The following FAM178B variants were observed in gnomAD, a reference collection of about 807,000 sequenced individuals.
FAM178B encodes the protein family with sequence similarity 178 member B.
In FAM178B, 82 loss-of-function variants were observed where a neutral mutation model predicts 91.7. The observed-to-expected ratio is 0.89, with a 90% CI of 0.75 to 1.07. The LOEUF is 1.07. FAM178B is among the 50% of genes least tolerant of loss of function. The pLI is 0.00. For synonymous variants in FAM178B, 368 were observed against 359.4 expected, an observed-to-expected ratio of 1.02 and a Z score of -0.27; for missense variants, 769 against 846.7, an observed-to-expected ratio of 0.91 and a Z score of 1.14.
chr2:96,938,498 T>G (rs568259275), intron 8 of FAM178B, among the ~76,000 whole-genome samples: 1 of 152,080 alleles, frequency 6.6e-6, no homozygotes, highest in African/African-American at 2.4e-5. Flanking sequence ...AGAGAGCACA[T>G]CAGAGCTTCT....
intron 8 of FAM178B, among the ~76,000 whole-genome samples, chr2:96,944,289 T>C (rs1422417916): frequency 6.6e-6 from 1 of 150,646 alleles, no homozygotes; most frequent in Non-Finnish European, 1.5e-5. Flanking sequence ...TCTCATGCAT[T>C]CAACCCTAAA....
intron 12 of FAM178B, among the ~76,000 whole-genome samples, chr2:96,918,689 C>T (rs2081282338): frequency 6.6e-6 from 1 of 152,198 alleles, no homozygotes; most frequent in Admixed American, 6.5e-5. Context: ...TAAGGGAGGA[C>T]ACCACCCCTC....
rs184008773 is a variant in FAM178B at position 96,974,927 on chromosome 2, C to T, written c.74-2321G>A. 3.6e-3 allele frequency among the ~76,000 whole-genome samples: 540 copies of T among 151,934 alleles called. 2 individuals carry two copies. The highest frequency in any genetic ancestry group is 0.013 in the African/African-American group (530 of 41,442). On this transcript the variant is annotated intron_variant, in intron 1 of 16. Coordinates refer to ENST00000490605, the MANE Select transcript of FAM178B (RefSeq NM_001122646.3). The stretch of plus-strand genomic sequence containing the variant: ...CCAACATGATGAAACACCGCCTCTA[C>T]TAAAAATACAAAAATTAGCTGGGCT...
In FAM178B at chr2:96,986,567, C is replaced by T. The variant is rs1054944641; in HGVS notation, c.-254G>A. 2 of 494,638 alleles carry T rather than the reference C, an allele frequency of 4.0e-6. No individual in the cohort carries two copies. The highest frequency in any genetic ancestry group is 2.0e-5 in the African/African-American group (1 of 50,058). 30.6% of individuals were successfully genotyped at this position (494,638 alleles called of 1,614,324 possible). A position where few individuals can be genotyped will look rare whatever the true frequency, so the allele number is the denominator to read the frequency against. ...CGCCGCCGCCGCCAGCTGGGGAGCT[C>T]GCCGGCCAAGTGCGCACCCTCTTCC... On this transcript the variant is annotated 5_prime_UTR_variant, in exon 1 of 17. Transcript: ENST00000490605.
At chr2:96,954,632 C>T (rs1309355777) in intron 6 of FAM178B, among the ~76,000 whole-genome samples, 1 of 152,242 alleles carries the variant, frequency 6.6e-6, no homozygotes, top group African/African-American at 2.4e-5. Flanking sequence ...GTTATTTATA[C>T]GTATCAGCTC....
chr2:96,956,251 CA>C, intron 6 of FAM178B, among the ~76,000 whole-genome samples: 1 of 152,342 alleles, frequency 6.6e-6, no homozygotes, highest in African/African-American at 2.4e-5. Flanking sequence ...TCAGCTCCTG[CA>C]ATCAGCTGTT....
chr2:96,924,117 G>T (rs1490766163), intron 9 of FAM178B, among the ~76,000 whole-genome samples: 1 of 152,192 alleles, frequency 6.6e-6, no homozygotes, highest in Non-Finnish European at 1.5e-5. Context: ...CATGGAGGGG[G>T]GCTCCTTGGG....
At chr2:96,935,657 G>A (rs1276719790) in intron 8 of FAM178B, among the ~76,000 whole-genome samples, 4 of 151,066 alleles carry the variant, frequency 2.6e-5, no homozygotes, top group Non-Finnish European at 4.4e-5. Context: ...GTTTGGAGAC[G>A]GAGTCTTGCT....
chr2:96,911,239 G>A (rs749295639), intron 12 of FAM178B, among the ~76,000 whole-genome samples: 13 of 152,228 alleles, frequency 8.5e-5, no homozygotes, highest in Non-Finnish European at 1.9e-4. Flanking sequence ...CCGCGTCAGT[G>A]AGGGGGACAG....
intron 14 of FAM178B, among the ~76,000 whole-genome samples, chr2:96,885,086 T>C (rs2080483523): frequency 6.6e-6 from 1 of 152,210 alleles, no homozygotes; most frequent in Admixed American, 6.5e-5. Context: ...AAGTGCCTGC[T>C]AGGGCAAGGG....
intron 13 of FAM178B, among the ~76,000 whole-genome samples, chr2:96,895,425 G>A (rs1574207158): frequency 1.3e-5 from 2 of 152,344 alleles, no homozygotes; most frequent in East Asian, 1.9e-4. Context: ...CCCCCATTTA[G>A]TTTTTGAATA....
intron 8 of FAM178B, among the ~76,000 whole-genome samples, chr2:96,944,798 T>G (rs1436548151): frequency 6.6e-6 from 1 of 152,238 alleles, no homozygotes; most frequent in Non-Finnish European, 1.5e-5. Context: ...AAACCTGATG[T>G]GGACAGCCCC....
chr2:96,914,323 G>A (rs2081207001), intron 12 of FAM178B, among the ~76,000 whole-genome samples: 1 of 152,210 alleles, frequency 6.6e-6, no homozygotes, highest in South Asian at 2.1e-4. Flanking sequence ...GATGAGAAGG[G>A]GGGAGTCTCC....
intron 12 of FAM178B, among the ~76,000 whole-genome samples, chr2:96,918,189 G>GA (rs549846168): frequency 7.1e-6 from 1 of 140,020 alleles, no homozygotes; most frequent in Non-Finnish European, 1.6e-5. Context: ...AAAAAAAAAA[G>GA]AAAAAAAATT....
intron 14 of FAM178B, among the ~76,000 whole-genome samples, chr2:96,881,548 TTGTC>T (rs2080385388): frequency 6.6e-6 from 1 of 151,704 alleles, no homozygotes; most frequent in South Asian, 2.1e-4. Context: ...GGGAGTCTCT[TTGTC>T]TGGAGGAGGC....
intron 1 of FAM178B, among the ~76,000 whole-genome samples, chr2:96,974,920 G>A (rs767108700): frequency 1.3e-5 from 2 of 151,678 alleles, no homozygotes; most frequent in Non-Finnish European, 2.9e-5. Flanking sequence ...ATGAAACACC[G>A]CCTCTACTAA....
intron 6 of FAM178B, among the ~76,000 whole-genome samples, chr2:96,955,594 C>T (rs960348480): frequency 2.0e-5 from 3 of 152,064 alleles, no homozygotes; most frequent in African/African-American, 4.8e-5. Context: ...GCAGGAGAAT[C>T]GCTTGAACCT....
chr2:96,923,448 T>A (rs1344946747), intron 10 of FAM178B, 42 bp downstream of exon 10: 1 of 1,463,378 alleles, frequency 6.8e-7, no homozygotes, highest in African/African-American at 1.4e-5. Context: ...GTCTGAACTG[T>A]AAGCCGAGAG....
chr2:96,975,079 A>C (rs1004221679), intron 1 of FAM178B, among the ~76,000 whole-genome samples: 7 of 118,396 alleles, frequency 5.9e-5, no homozygotes, highest in African/African-American at 2.2e-4. Context: ...TGGGTGACAG[A>C]GTGAGACTCT....
Sources: allele counts gnomAD v4.1 joint callset (sites outside exome capture counted in the v4.1 genomes callset), GRCh38; gene constraint gnomAD v4.1.1; transcripts MANE v1.5; gene names NCBI Gene and HGNC (gene_info 2026-07-23, HGNC 2026-07-21).